MAP3K13: variants seen among roughly 807,000 people sequenced by gnomAD.
MAP3K13 encodes mitogen-activated protein kinase kinase kinase 13.
Under a neutral mutation model 104.0 loss-of-function variants are expected in MAP3K13, and 52 were observed. The ratio of observed to expected loss-of-function variants is 0.50; its 90% confidence interval spans 0.40 to 0.63. The LOEUF (loss-of-function observed/expected upper bound fraction) is 0.63. MAP3K13 is among the 20% of genes least tolerant of loss of function. The probability of loss-of-function intolerance (pLI) is 0.00; values close to 1 mark genes in which losing one functional copy is unlikely to be tolerated. For synonymous variants in MAP3K13, 394 were observed against 442.2 expected, an observed-to-expected ratio of 0.89 and a Z score of 1.37; for missense variants, 914 against 1,218.5, an observed-to-expected ratio of 0.75 and a Z score of 3.72.
intron 2 of MAP3K13, among the ~76,000 whole-genome samples, chr3:185,435,762 T>G (rs533939242): frequency 6.6e-6 from 1 of 152,342 alleles, no homozygotes; most frequent in South Asian, 2.1e-4. Flanking sequence ...AACATTTTAT[T>G]AAGAATCTAC....
At chr3:185,455,893 TGA>T (rs1248242505) in intron 7 of MAP3K13, among the ~76,000 whole-genome samples, 3 of 141,440 alleles carry the variant, frequency 2.1e-5, no homozygotes, top group South Asian at 2.2e-4. Context: ...ATGATATAGA[TGA>T]GATATATATG....
intron 2 of MAP3K13, among the ~76,000 whole-genome samples, chr3:185,321,075 T>C (rs1721842360): frequency 6.6e-6 from 1 of 151,576 alleles, no homozygotes; most frequent in Non-Finnish European, 1.5e-5. Flanking sequence ...CACACACATA[T>C]GCGTGCACAC....
intron 2 of MAP3K13, among the ~76,000 whole-genome samples, chr3:185,339,608 A>G (rs1408553011): frequency 1.3e-5 from 2 of 152,246 alleles, no homozygotes; most frequent in Non-Finnish European, 2.9e-5. Context: ...AGGGCCACAT[A>G]TAAATATCTT....
intron 1 of MAP3K13, among the ~76,000 whole-genome samples, chr3:185,367,200 A>G (rs1450768639): frequency 6.6e-6 from 1 of 152,076 alleles, no homozygotes; most frequent in Admixed American, 6.5e-5. Context: ...CCCCCATTAA[A>G]TTGTCTTGGC....
intron 2 of MAP3K13, among the ~76,000 whole-genome samples, chr3:185,304,982 T>A (rs1467154300): frequency 6.6e-6 from 1 of 152,238 alleles, no homozygotes; most frequent in African/African-American, 2.4e-5. Flanking sequence ...TTTTCCATCC[T>A]TTCACTTTCA....
intron 2 of MAP3K13, among the ~76,000 whole-genome samples, chr3:185,316,531 C>CT (rs1255565921): frequency 1.3e-5 from 2 of 152,150 alleles, no homozygotes; most frequent in Non-Finnish European, 2.9e-5. Context: ...GTCCCAGCTA[C>CT]TTGGGAGGCT....
At chr3:185,356,435 A>G (rs1723354467) in intron 2 of MAP3K13, among the ~76,000 whole-genome samples, 1 of 152,208 alleles carries the variant, frequency 6.6e-6, no homozygotes, top group Non-Finnish European at 1.5e-5. Context: ...TGTAATTGGG[A>G]GGTCCAGCAG....
At chr3:185,350,615 CTT>C (rs1454000035) in intron 2 of MAP3K13, among the ~76,000 whole-genome samples, 1 of 152,090 alleles carries the variant, frequency 6.6e-6, no homozygotes, top group African/African-American at 2.4e-5. Context: ...AGTATTTTCT[CTT>C]ATGTTACATT....
At chr3:185,427,755 C>T (rs1466110226) in intron 1 of MAP3K13, among the ~76,000 whole-genome samples, 1 of 152,090 alleles carries the variant, frequency 6.6e-6, no homozygotes, top group African/African-American at 2.4e-5. Flanking sequence ...AACTAAATTT[C>T]CCTTGTAGAA....
At chr3:185,415,577 CT>C (rs869297992) in intron 1 of MAP3K13, among the ~76,000 whole-genome samples, 86 of 73,012 alleles carry the variant, frequency 1.2e-3, no homozygotes, top group Middle Eastern at 8.8e-3. Context: ...GGGTTAATTT[CT>C]TTTTTTTTTT....
intron 1 of MAP3K13, among the ~76,000 whole-genome samples, chr3:185,378,630 A>C (rs1724553378): frequency 6.6e-6 from 1 of 152,114 alleles, no homozygotes; most frequent in African/African-American, 2.4e-5. Context: ...GGGAGAGGTC[A>C]CATGAGTCCA....
chr3:185,354,538 A>C (rs1317789043), intron 2 of MAP3K13, among the ~76,000 whole-genome samples: 1 of 135,938 alleles, frequency 7.4e-6, no homozygotes, highest in Non-Finnish European at 1.6e-5. Flanking sequence ...GACAAATGTG[A>C]CAAGAATAAA....
At chr3:185,293,062 C>CT (rs555510345) in intron 2 of MAP3K13, 3,487 of 920,696 alleles carry the variant, frequency 3.8e-3, no homozygotes, top group Non-Finnish European at 4.1e-3. Flanking sequence ...ATAAAATGTA[C>CT]TTTTTTTTTT....
chr3:185,425,116 T>C (rs1420361314), intron 1 of MAP3K13, among the ~76,000 whole-genome samples: 1 of 152,242 alleles, frequency 6.6e-6, no homozygotes, highest in African/African-American at 2.4e-5. Flanking sequence ...CTTTATGATT[T>C]GGAAACTTCT....
chr3:185,466,213 AG>A (rs1219680053), intron 9 of MAP3K13, among the ~76,000 whole-genome samples: 1 of 152,228 alleles, frequency 6.6e-6, no homozygotes, highest in African/African-American at 2.4e-5. Context: ...GATGGTGGCA[AG>A]AAAACCCTGG....
At chr3:185,360,811 G>A (rs1360168290), upstream of MAP3K13, among the ~76,000 whole-genome samples, 1 of 137,234 alleles carries the variant, frequency 7.3e-6, no homozygotes, top group African/African-American at 2.7e-5. Context: ...TTCTACAACA[G>A]CTTTAGCTTT....
In MAP3K13 at chr3:185,473,369, C is replaced by T. The variant is rs903937665; in HGVS notation, c.2038C>T (p.Arg680Trp). The T allele has an allele frequency of 5.6e-6, 9 of 1,614,128 alleles. No individual in the cohort carries two copies. Among genetic ancestry groups the T allele is most frequent in the Non-Finnish European group, 6.8e-6 (8 of 1,180,058 alleles). ...LRYFGPAAAL[R>W]SPLSNHAQRQ... Reference sequence around the variant, plus strand: ...GTATTTCGGCCCAGCAGCAGCCCTGCGGAGCCCACTCAGCAACCATGCTCA... The same window carrying T: ...GTATTTCGGCCCAGCAGCAGCCCTGTGGAGCCCACTCAGCAACCATGCTCA... Residue 680 changes from arginine (R) to tryptophan (W), a missense_variant, in exon 11 of 14, where the codon CGG becomes TGG. Arg to Trp is a moderately radical substitution (Grantham distance 101). Coordinates refer to ENST00000265026, the MANE Select transcript of MAP3K13 (RefSeq NM_004721.5). The surrounding 1 kb of genome is among the most constrained non-coding windows in gnomAD (Gnocchi z 4.9).
At chr3:185,321,297 A>G (rs1311504826) in intron 2 of MAP3K13, among the ~76,000 whole-genome samples, 3 of 152,316 alleles carry the variant, frequency 2.0e-5, no homozygotes, top group Non-Finnish European at 4.4e-5. Context: ...CGTGTTTTAC[A>G]TATGTATGTG....
intron 10 of MAP3K13, among the ~76,000 whole-genome samples, chr3:185,467,763 C>T (rs575842769): frequency 3.6e-5 from 5 of 138,218 alleles, no homozygotes; most frequent in East Asian, 4.2e-4. Flanking sequence ...AGTCTGGTGA[C>T]AGAGCGAGAC....
Sources: gnomAD v4.1 joint callset for allele counts (sites outside exome capture counted in the v4.1 genomes callset) on GRCh38, gnomAD v4.1.1 for gene constraint, Gnocchi (gnomAD v3.1) non-coding constraint, MANE v1.5 for transcripts, NCBI Gene and HGNC (gene_info 2026-07-23, HGNC 2026-07-21) for gene names.